AP3M1: variants seen among roughly 807,000 people sequenced by gnomAD.
AP3M1 encodes the protein AP-3 complex subunit mu-1.
In AP3M1, 29 loss-of-function variants were observed where a neutral mutation model predicts 42.6. The observed-to-expected ratio is 0.68, with a 90% CI of 0.51 to 0.93. The LOEUF (loss-of-function observed/expected upper bound fraction) is 0.93. AP3M1 is among the 40% of genes least tolerant of loss of function. The pLI is 0.00. For missense variants in AP3M1, 416 were observed against 510.2 expected, an observed-to-expected ratio of 0.82 and a Z score of 1.78; for synonymous variants, 178 against 175.3, an observed-to-expected ratio of 1.02 and a Z score of -0.12.
At chr10:74,141,752 G>A (rs911973217) in intron 1 of AP3M1, among the ~76,000 whole-genome samples, 8 of 139,320 alleles carry the variant, frequency 5.7e-5, no homozygotes, top group South Asian at 2.2e-4. Flanking sequence ...TTACACTGTC[G>A]CCCAGGCTGG....
At chr10:74,124,254 C>T (rs1045386478) in intron 8 of AP3M1, 126 bp downstream of exon 8, 23 of 1,199,024 alleles carry the variant, frequency 1.9e-5, no homozygotes, top group Non-Finnish European at 2.7e-5. Flanking sequence ...CCACCAAGCA[C>T]AGTATAAAAG....
At chr10:74,124,034 C>G (rs564274707) in intron 8 of AP3M1, 124 bp from the exon 9 acceptor site, 1 of 871,824 alleles carries the variant, frequency 1.1e-6, no homozygotes, top group African/African-American at 1.7e-5. Flanking sequence ...GAAGAAATGT[C>G]TCTTCTATCA....
intron 3 of AP3M1, among the ~76,000 whole-genome samples, chr10:74,135,298 T>TC (rs1486013689): frequency 6.6e-6 from 1 of 152,222 alleles, no homozygotes; most frequent in Non-Finnish European, 1.5e-5. Context: ...TGTGTTTTTT[T>TC]CTCATACAGT....
rs191165214 is a variant in AP3M1, at chr10:74,134,120, T to G, written c.490A>C (p.Asn164His). 2.5e-6 allele frequency: 4 copies of G among 1,614,234 alleles called. No homozygotes were observed. The African/African-American group carries it at 5.3e-5, about 22-fold the overall frequency. ...GDTLPTGQLS[N>H]IPWRRAGVKY... is the part of the protein sequence containing the mutation. ...ACCCCTGCCCGACGCCATGGTATGT[T>G]GGACAGCTGCCCGGTGGGGAGTGTG... Residue 164 changes from asparagine to histidine, a missense_variant, in exon 4 of 9, where the codon AAC becomes CAC. Asn to His is a moderately conservative substitution (Grantham distance 68, BLOSUM62 1). Coordinates refer to ENST00000355264, the MANE Select transcript of AP3M1 (RefSeq NM_012095.6).
At chr10:74,132,508 T>C (rs1840809886) in intron 4 of AP3M1, among the ~76,000 whole-genome samples, 1 of 151,782 alleles carries the variant, frequency 6.6e-6, no homozygotes, top group African/African-American at 2.4e-5. Flanking sequence ...CTGGGCAACA[T>C]GGTGAGACCC....
At chr10:74,141,646 T>C (rs1564553777) in intron 1 of AP3M1, among the ~76,000 whole-genome samples, 1 of 152,064 alleles carries the variant, frequency 6.6e-6, no homozygotes, top group Non-Finnish European at 1.5e-5. Flanking sequence ...GTTTCCTTTA[T>C]GGAGAGTGGA....
intron 6 of AP3M1, among the ~76,000 whole-genome samples, chr10:74,128,397 G>A (rs1840682336): frequency 6.6e-6 from 1 of 151,716 alleles, no homozygotes; most frequent in Non-Finnish European, 1.5e-5. Flanking sequence ...ACGCTACCAC[G>A]CCTGGCTAAT....
intron 1 of AP3M1, among the ~76,000 whole-genome samples, chr10:74,146,272 T>G (rs1301892081): frequency 6.6e-6 from 1 of 152,210 alleles, no homozygotes; most frequent in Non-Finnish European, 1.5e-5. Flanking sequence ...GATTGGTTCA[T>G]GGAGCATGCT....
In AP3M1 at chr10:74,138,218, G is replaced by A; in HGVS notation, c.162C>T (p.His54=). The A allele has an allele frequency of 6.2e-7, 1 of 1,614,196 alleles. No homozygotes were observed. The highest frequency in any genetic ancestry group is 8.5e-7 in the Non-Finnish European group (1 of 1,180,018). ...TATCCCGGTAGATACTGATGAGGTA[G>A]TGGTGAGGTGTTGAAATGACAGGTG... The part of the protein sequence containing the change: ...NVPPVISTPH[H]YLISIYRDKL... The change falls in exon 2 of 9, where the codon CAC becomes CAT. Residue 54 remains histidine (H), a synonymous_variant. Transcript: ENST00000355264.
intron 5 of AP3M1, 149 bp downstream of exon 5, chr10:74,129,758 C>A: frequency 1.6e-6 from 1 of 639,424 alleles, no homozygotes; most frequent in Non-Finnish European, 2.7e-6. Flanking sequence ...ATCATGTAAG[C>A]GACTGTCTTA....
At chr10:74,126,714 C>T (rs753381824) in intron 6 of AP3M1, among the ~76,000 whole-genome samples, 15 of 151,720 alleles carry the variant, frequency 9.9e-5, no homozygotes, top group African/African-American at 2.7e-4. Flanking sequence ...TAGGGCTGGG[C>T]GCGGTGGCTC....
chr10:74,129,870 C>T (rs759539810), intron 5 of AP3M1, 37 bp downstream of exon 5: 7 of 1,299,184 alleles, frequency 5.4e-6, no homozygotes, highest in Admixed American at 1.7e-5. Context: ...ATGTATTAGG[C>T]ATTCAAGGGG....
chr10:74,148,737 T>G (rs1275374709), intron 1 of AP3M1, among the ~76,000 whole-genome samples: 1 of 152,118 alleles, frequency 6.6e-6, no homozygotes, highest in Non-Finnish European at 1.5e-5. Flanking sequence ...TTAAATTTTT[T>G]GTAGAGATGG....
At chr10:74,133,389 C>A (rs1010846116) in intron 4 of AP3M1, among the ~76,000 whole-genome samples, 1 of 146,478 alleles carries the variant, frequency 6.8e-6, no homozygotes, top group East Asian at 2.1e-4. Context: ...AGTGAAACTG[C>A]GTCTCAAAAA....
intron 1 of AP3M1, among the ~76,000 whole-genome samples, chr10:74,148,623 T>C (rs971493373): frequency 6.6e-6 from 1 of 152,150 alleles, no homozygotes; most frequent in Non-Finnish European, 1.5e-5. Flanking sequence ...CATAGCTCAC[T>C]GTAACTTTGA....
At chr10:74,146,401 G>A (rs562525506) in intron 1 of AP3M1, among the ~76,000 whole-genome samples, 9 of 152,250 alleles carry the variant, frequency 5.9e-5, no homozygotes, top group South Asian at 4.1e-4. Context: ...ATTACACTGC[G>A]GAAACTGGAT....
At position 74,133,688 on chromosome 10, in the gene AP3M1, A is replaced by G. The variant is rs972860431; in HGVS notation, c.583+339T>C. Among the ~76,000 whole-genome samples, 87 of 142,680 alleles carry G rather than the reference A, an allele frequency of 6.1e-4. 2 individuals are homozygous for G. Among genetic ancestry groups the G allele is most frequent in the Admixed American group, 2.1e-4 (3 of 13,980 alleles). 93.6% of individuals were successfully genotyped at this position (142,680 alleles called of 152,430 possible). On this transcript the variant is annotated intron_variant, in intron 4 of 8. Coordinates refer to ENST00000355264, the MANE Select transcript of AP3M1 (RefSeq NM_012095.6). Reference sequence around the variant, plus strand: ...CTTCTTCTTTTTTTTTTTTTTGTTGAGACAGAGCCAGGCTGGAGTGCAATG... The same window carrying G: ...CTTCTTCTTTTTTTTTTTTTTGTTGGGACAGAGCCAGGCTGGAGTGCAATG...
intron 4 of AP3M1, among the ~76,000 whole-genome samples, chr10:74,132,929 G>A (rs1396553239): frequency 6.6e-6 from 1 of 152,130 alleles, no homozygotes; most frequent in African/African-American, 2.4e-5. Flanking sequence ...TAGTGGTTAT[G>A]AAAATTATAT....
intron 1 of AP3M1, among the ~76,000 whole-genome samples, chr10:74,142,378 T>G (rs1042092447): frequency 2.4e-4 from 36 of 152,232 alleles, no homozygotes; most frequent in African/African-American, 7.5e-4. Context: ...CATTTGATTC[T>G]GTTGACAGAA....
Sources: gnomAD v4.1 joint callset for allele counts (sites outside exome capture counted in the v4.1 genomes callset) on GRCh38, gnomAD v4.1.1 for gene constraint, MANE v1.5 for transcripts, NCBI Gene and HGNC (gene_info 2026-07-23, HGNC 2026-07-21) for gene names.